Variants in SOX5 observed in about 807,000 individuals in gnomAD.
SOX5 encodes SRY-box transcription factor 5.
Under a neutral mutation model 92.0 loss-of-function variants are expected in SOX5, and 9 were observed. The ratio of observed to expected loss-of-function variants is 0.10; its 90% CI spans 0.06 to 0.17. SOX5 has a LOEUF of 0.17. Among genes scored for constraint, SOX5 ranks in the 10% least tolerant of loss-of-function variants. The pLI, the probability that SOX5 is intolerant of heterozygous loss-of-function variation, is 1.00. For synonymous variants in SOX5, 344 were observed against 336.3 expected, an observed-to-expected ratio of 1.02 and a Z score of -0.25; for missense variants, 642 against 944.5, an observed-to-expected ratio of 0.68 and a Z score of 4.20.
At chr12:23,615,736 C>T (rs2076479830) in intron 8 of SOX5, among the ~76,000 whole-genome samples, 1 of 152,016 alleles carries the variant, frequency 6.6e-6, no homozygotes, top group Non-Finnish European at 1.5e-5. Flanking sequence ...CACATTTATC[C>T]AATTTATATT....
At chr12:23,901,671 T>C (rs2097234986) in intron 1 of SOX5, among the ~76,000 whole-genome samples, 1 of 152,226 alleles carries the variant, frequency 6.6e-6, no homozygotes. Context: ...TATTTTACAC[T>C]TATTTGTTTA....
At chr12:24,379,876 C>CTTTTTTTT (rs10652256) in intron 1 of SOX5, among the ~76,000 whole-genome samples, 3 of 139,718 alleles carry the variant, frequency 2.1e-5, no homozygotes, top group South Asian at 2.2e-4. Context: ...CCAGAAGATT[C>CTTTTTTTT]TTTTTTTTTT....
At chr12:23,774,659 A>G (rs942309130) in intron 3 of SOX5, among the ~76,000 whole-genome samples, 1 of 152,202 alleles carries the variant, frequency 6.6e-6, no homozygotes, top group African/African-American at 2.4e-5. Context: ...AAAGAGAGAA[A>G]GTAAAGGCAA....
At chr12:24,378,108 G>T (rs542528418) in intron 1 of SOX5, among the ~76,000 whole-genome samples, 1 of 152,310 alleles carries the variant, frequency 6.6e-6, no homozygotes, top group East Asian at 1.9e-4. Flanking sequence ...AAAGTTTTAG[G>T]TAGAATTCCT....
At chr12:23,874,061 A>C (rs1215043467) in intron 2 of SOX5, among the ~76,000 whole-genome samples, 1 of 152,232 alleles carries the variant, frequency 6.6e-6, no homozygotes, top group Admixed American at 6.5e-5. Flanking sequence ...TCACAAAAGT[A>C]TATTCTCTTG....
At chr12:24,338,157 A>T (rs1952123901) in intron 2 of SOX5, among the ~76,000 whole-genome samples, 1 of 152,202 alleles carries the variant, frequency 6.6e-6, no homozygotes, top group Non-Finnish European at 1.5e-5. Context: ...ACTAATTTCC[A>T]ATAATTTTTA....
chr12:24,060,649 G>C (rs1253542691), intron 4 of SOX5, among the ~76,000 whole-genome samples: 2 of 152,162 alleles, frequency 1.3e-5, no homozygotes, highest in African/African-American at 4.8e-5. Flanking sequence ...CCATACCCTA[G>C]CCAAAGAGCA....
chr12:24,046,341 CT>C (rs1211886578), intron 4 of SOX5, among the ~76,000 whole-genome samples: 13 of 151,856 alleles, frequency 8.6e-5, no homozygotes, highest in East Asian at 5.8e-4. Context: ...AAAGGAGAGC[CT>C]TTTTTTTCCC....
chr12:24,089,017 C>G (rs1374474746), intron 4 of SOX5, among the ~76,000 whole-genome samples: 1 of 151,868 alleles, frequency 6.6e-6, no homozygotes, highest in Non-Finnish European at 1.5e-5. Flanking sequence ...GCTGATGACT[C>G]GTTAAAGAGA....
chr12:23,613,605 T>A (rs1585778), intron 8 of SOX5, among the ~76,000 whole-genome samples: 2 of 152,198 alleles, frequency 1.3e-5, no homozygotes, highest in African/African-American at 4.8e-5. Flanking sequence ...AAGGTAGAAA[T>A]AATTCAAATG....
chr12:24,089,519 A>G (rs963716749), intron 4 of SOX5, among the ~76,000 whole-genome samples: 15 of 152,186 alleles, frequency 9.9e-5, no homozygotes, highest in African/African-American at 3.4e-4. Flanking sequence ...ATTCAGGAAC[A>G]GAACATATAA....
chr12:24,021,040 G>T (rs539753694), intron 4 of SOX5, among the ~76,000 whole-genome samples: 1 of 152,164 alleles, frequency 6.6e-6, no homozygotes, highest in Non-Finnish European at 1.5e-5. Flanking sequence ...CACCAGCAGC[G>T]ACAGAGTCAC....
At chr12:23,801,665 T>C (rs1353015813) in intron 3 of SOX5, among the ~76,000 whole-genome samples, 1 of 152,210 alleles carries the variant, frequency 6.6e-6, no homozygotes, top group Non-Finnish European at 1.5e-5. Flanking sequence ...CTCCACTTTT[T>C]AACATTATTA....
At chr12:24,263,424 A>G (rs1282570644) in intron 3 of SOX5, among the ~76,000 whole-genome samples, 3 of 146,538 alleles carry the variant, frequency 2.0e-5, no homozygotes, top group South Asian at 2.3e-4. Flanking sequence ...GCTGCTCGGG[A>G]GGCTGAGGCA....
rs566781003 is a variant in SOX5, at chr12:24,521,017, T to C, written c.-251+41312A>G. Reference sequence around the variant, plus strand: ...AATACATAAAGCAAATATTGACAGATCTGAAGGAAGAAATTGACAGTAATA... The same window carrying C: ...AATACATAAAGCAAATATTGACAGACCTGAAGGAAGAAATTGACAGTAATA... On this transcript the variant is annotated intron_variant, in intron 1 of 4. Transcript: ENST00000446891. 9.2e-5 allele frequency among the ~76,000 whole-genome samples: 14 copies of C among 152,264 alleles called. No individual in the cohort carries two copies. The South Asian group carries it at 2.5e-3, about 27-fold the overall frequency.
chr12:24,374,339 T>G (rs796396160), intron 1 of SOX5, among the ~76,000 whole-genome samples: 8 of 152,246 alleles, frequency 5.3e-5, no homozygotes, highest in African/African-American at 1.7e-4. Flanking sequence ...TTTAGTCTTG[T>G]GTCCATCTAA....
At chr12:24,156,689 T>C (rs1490916903) in intron 4 of SOX5, among the ~76,000 whole-genome samples, 1 of 152,194 alleles carries the variant, frequency 6.6e-6, no homozygotes, top group East Asian at 1.9e-4. Context: ...ATATACATCT[T>C]ATTTTCTCAG....
intron 9 of SOX5, among the ~76,000 whole-genome samples, chr12:23,593,354 A>G (rs1468848726): frequency 6.6e-6 from 1 of 152,208 alleles, no homozygotes; most frequent in Non-Finnish European, 1.5e-5. Flanking sequence ...ACCATAATTA[A>G]GAATGACTGG....
At chr12:23,644,972 T>C (rs753165624) in intron 7 of SOX5, among the ~76,000 whole-genome samples, 8 of 152,208 alleles carry the variant, frequency 5.3e-5, no homozygotes, top group Non-Finnish European at 1.2e-4. Flanking sequence ...TGAAAATTCA[T>C]TTTTTATTAT....
Sources: allele counts gnomAD v4.1 joint callset (sites outside exome capture counted in the v4.1 genomes callset), GRCh38; gene constraint gnomAD v4.1.1; transcripts MANE v1.5; gene names NCBI Gene and HGNC (gene_info 2026-07-23, HGNC 2026-07-21).